CWF19L2: variants seen among roughly 807,000 people sequenced by gnomAD.
The protein encoded by CWF19L2 is CWF19-like protein 2.
Under a neutral mutation model 111.7 loss-of-function variants are expected in CWF19L2, and 98 were observed. The observed-to-expected ratio is 0.88, with a 90% CI of 0.75 to 1.04. CWF19L2 has a LOEUF of 1.04. Ranked by LOEUF, CWF19L2 falls within the 50% of genes least tolerant of loss-of-function variation. The pLI is 0.00. For synonymous variants in CWF19L2, 351 were observed against 342.9 expected, an observed-to-expected ratio of 1.02 and a Z score of -0.26; for missense variants, 1,101 against 1,051.4, an observed-to-expected ratio of 1.05 and a Z score of -0.65.
At chr11:107,331,480 A>G (rs2134519075) in intron 16 of CWF19L2, among the ~76,000 whole-genome samples, 1 of 152,170 alleles carries the variant, frequency 6.6e-6, no homozygotes, top group East Asian at 1.9e-4. Context: ...AAGATACTAC[A>G]CTCTTGGCTT....
intron 16 of CWF19L2, among the ~76,000 whole-genome samples, chr11:107,331,920 A>G (rs1859855083): frequency 6.6e-6 from 1 of 152,232 alleles, no homozygotes; most frequent in Admixed American, 6.5e-5. Context: ...ATCAAAGTGT[A>G]TGTACATTTA....
intron 12 of CWF19L2, among the ~76,000 whole-genome samples, chr11:107,378,770 T>TAATA (rs1318909756): frequency 2.0e-5 from 3 of 151,586 alleles, no homozygotes; most frequent in Non-Finnish European, 2.9e-5. Context: ...AGTATAATAA[T>TAATA]AATAAATAAA....
chr11:107,395,486 T>C (rs1268682219), intron 10 of CWF19L2, among the ~76,000 whole-genome samples: 1 of 152,256 alleles, frequency 6.6e-6, no homozygotes, highest in Non-Finnish European at 1.5e-5. Flanking sequence ...TTCATTTTTC[T>C]ATGATTATTT....
intron 12 of CWF19L2, among the ~76,000 whole-genome samples, chr11:107,362,295 G>T (rs1360788925): frequency 6.6e-6 from 1 of 151,922 alleles, no homozygotes; most frequent in East Asian, 1.9e-4. Flanking sequence ...AAAGCAGCCA[G>T]GAAGCTCGAA....
At chr11:107,443,247 G>A (rs1181050368) in intron 3 of CWF19L2, among the ~76,000 whole-genome samples, 198 bp from the exon 4 acceptor site, 3 of 152,116 alleles carry the variant, frequency 2.0e-5, no homozygotes, top group Non-Finnish European at 2.9e-5. Context: ...TTGGGAGGCT[G>A]AGGCAGGCAT....
At chr11:107,423,679 G>C (rs563214352) in intron 8 of CWF19L2, among the ~76,000 whole-genome samples, 1 of 151,976 alleles carries the variant, frequency 6.6e-6, no homozygotes, top group African/African-American at 2.4e-5. Context: ...AATCCTTTCT[G>C]TTATTCCAAT....
intron 10 of CWF19L2, among the ~76,000 whole-genome samples, chr11:107,411,248 C>T (rs1861153591): frequency 6.6e-6 from 1 of 152,150 alleles, no homozygotes. Context: ...CTGCCTAAAA[C>T]AGTTAATTTC....
intron 12 of CWF19L2, among the ~76,000 whole-genome samples, chr11:107,356,402 A>G (rs556551111): frequency 6.6e-6 from 1 of 152,332 alleles, no homozygotes; most frequent in East Asian, 1.9e-4. Flanking sequence ...AGAATCAGGT[A>G]AAAAGATTAT....
intron 4 of CWF19L2, 34 bp downstream of exon 4, chr11:107,442,905 A>C (rs746970827): frequency 2.1e-6 from 2 of 972,118 alleles, no homozygotes; most frequent in Non-Finnish European, 2.9e-6. Flanking sequence ...AGGAAGGAAG[A>C]AAGCAAGGAA....
chr11:107,365,216 T>G (rs1860420902), intron 12 of CWF19L2, among the ~76,000 whole-genome samples: 1 of 149,050 alleles, frequency 6.7e-6, no homozygotes, highest in Non-Finnish European at 1.5e-5. Flanking sequence ...CAGGACCAGA[T>G]GGATTCACAG....
At chr11:107,430,946 C>T (rs1379737269) in intron 7 of CWF19L2, among the ~76,000 whole-genome samples, 1 of 151,434 alleles carries the variant, frequency 6.6e-6, no homozygotes, top group African/African-American at 2.4e-5. Flanking sequence ...GTAATTATTT[C>T]CCCATGCATA....
At position 107,402,222 on chromosome 11, in the gene CWF19L2, A is replaced by T. The variant is rs562211828; in HGVS notation, c.1618-9327T>A. On this transcript the variant is annotated intron_variant, in intron 10 of 17. Coordinates refer to ENST00000282251, the MANE Select transcript of CWF19L2 (RefSeq NM_152434.3). Reference sequence around the variant, plus strand: ...AAAAGTAAATGCAATAAAAACAAAGAAAAATAGCTGGGACCTATTAAACTA... The same window carrying T: ...AAAAGTAAATGCAATAAAAACAAAGTAAAATAGCTGGGACCTATTAAACTA... Among the ~76,000 whole-genome samples the T allele has an allele frequency of 2.0e-5, 3 of 152,248 alleles. No homozygotes were observed. In the South Asian group the frequency reaches 6.2e-4, roughly 32 times the overall value.
rs898601986 is a variant in CWF19L2, at chr11:107,416,222, T to G, written c.1604A>C (p.Lys535Thr). 2.1e-6 allele frequency: 3 copies of G among 1,423,014 alleles called. No homozygotes were observed. In the African/African-American group the frequency reaches 4.4e-5, roughly 21 times the overall value. 88.1% of individuals were successfully genotyped at this position (1,423,014 alleles called of 1,614,324 possible). A position where few individuals can be genotyped will look rare whatever the true frequency, so the allele number is the denominator to read the frequency against. ...FKETITQIPK[K>T]SGVENEDQQE... is the part of the protein sequence containing the mutation. ...TTTATTACTTACCTCTACCCCAGAT[T>G]TTTTTGGTATCTGTGTTATAGTTTC... The change falls in exon 10 of 18, where the codon AAA becomes ACA. Residue 535 changes from lysine to threonine, a missense_variant. Lys to Thr is a moderately conservative substitution (Grantham distance 78). Transcript: ENST00000282251.
chr11:107,450,438 C>T (rs1418322716), intron 3 of CWF19L2, among the ~76,000 whole-genome samples: 1 of 151,960 alleles, frequency 6.6e-6, no homozygotes, highest in Non-Finnish European at 1.5e-5. Context: ...CCCGTAGTCC[C>T]AGCTTTCAAG....
chr11:107,437,973 A>G (rs1022439714), intron 6 of CWF19L2, among the ~76,000 whole-genome samples: 1 of 152,218 alleles, frequency 6.6e-6, no homozygotes, highest in Non-Finnish European at 1.5e-5. Flanking sequence ...TTACTATTAC[A>G]TAACTCAGCA....
intron 12 of CWF19L2, among the ~76,000 whole-genome samples, chr11:107,372,457 T>A (rs1860524951): frequency 7.4e-6 from 1 of 134,870 alleles, no homozygotes; most frequent in Non-Finnish European, 1.6e-5. Context: ...TCAACACGGA[T>A]GGAGCAGAGG....
chr11:107,380,729 T>A (rs1860672986), intron 12 of CWF19L2, among the ~76,000 whole-genome samples: 1 of 152,120 alleles, frequency 6.6e-6, no homozygotes, highest in African/African-American at 2.4e-5. Flanking sequence ...TAGATATTAA[T>A]ATATACCCAA....
intron 8 of CWF19L2, among the ~76,000 whole-genome samples, chr11:107,419,228 G>A (rs1861270290): frequency 6.6e-6 from 1 of 152,212 alleles, no homozygotes; most frequent in Non-Finnish European, 1.5e-5. Context: ...GTATTAAAGA[G>A]TCTTGCTTCA....
chr11:107,365,134 A>T (rs1421599974), intron 12 of CWF19L2, among the ~76,000 whole-genome samples: 18 of 140,730 alleles, frequency 1.3e-4, no homozygotes, highest in South Asian at 8.9e-4. Context: ...GAAGAAGTTG[A>T]ATCTCTGAAT....
Sources: gnomAD v4.1 joint callset for allele counts (sites outside exome capture counted in the v4.1 genomes callset) on GRCh38, gnomAD v4.1.1 for gene constraint, MANE v1.5 for transcripts, NCBI Gene and HGNC (gene_info 2026-07-23, HGNC 2026-07-21) for gene names.